The following MTUS2 variants were observed in gnomAD, a reference collection of about 807,000 sequenced individuals.
The protein encoded by MTUS2 is microtubule associated scaffold protein 2, also known as microtubule-associated tumor suppressor candidate 2.
A neutral mutation model predicts 114.1 loss-of-function variants in MTUS2; 40 were observed. The ratio of observed to expected loss-of-function variants is 0.35; its 90% CI spans 0.27 to 0.46. The LOEUF is 0.46. Among genes scored for constraint, MTUS2 ranks in the 20% least tolerant of loss-of-function variants. The pLI is 1.00. For synonymous variants in MTUS2, 688 were observed against 672.0 expected, an observed-to-expected ratio of 1.02 and a Z score of -0.37; for missense variants, 1,679 against 1,705.4, an observed-to-expected ratio of 0.98 and a Z score of 0.27.
At chr13:29,367,100 A>G (rs1363544473) in intron 8 of MTUS2, among the ~76,000 whole-genome samples, 1 of 152,056 alleles carries the variant, frequency 6.6e-6, no homozygotes, top group African/African-American at 2.4e-5. Flanking sequence ...CCTGAGTTCC[A>G]GTTCTGGGAA....
At chr13:28,926,826 A>G (rs1286323840) in intron 2 of MTUS2, among the ~76,000 whole-genome samples, 1 of 152,224 alleles carries the variant, frequency 6.6e-6, no homozygotes, top group African/African-American at 2.4e-5. Context: ...GTAGTATGTA[A>G]TTTCATGCAA....
intron 8 of MTUS2, among the ~76,000 whole-genome samples, chr13:29,401,643 T>C (rs899452709): frequency 1.3e-5 from 2 of 152,206 alleles, no homozygotes; most frequent in African/African-American, 4.8e-5. Flanking sequence ...ACCCTTATTA[T>C]AGCATTAAGT....
chr13:29,040,460 T>G (rs552630224), intron 4 of MTUS2, among the ~76,000 whole-genome samples: 21 of 152,360 alleles, frequency 1.4e-4, no homozygotes, highest in African/African-American at 5.1e-4. Context: ...TGATTTCTTT[T>G]CCTCTGGGTA....
At position 29,025,586 on chromosome 13, in the gene MTUS2, A is replaced by G. The variant is rs326505; in HGVS notation, c.888A>G (p.Lys296=). 10,923 of 1,613,948 alleles carry G rather than the reference A, an allele frequency of 6.8e-3. 607 individuals are homozygous for G. The African/African-American group carries it at 0.12, about 18-fold the overall frequency. Residue 296 remains lysine (K), a synonymous_variant, in exon 3 of 16, where the codon AAA becomes AAG. Coordinates refer to ENST00000612955, the MANE Select transcript of MTUS2 (RefSeq NM_001033602.4). ...TGGCATCGAAGGAAATCCCAAGTAA[A>G]CTGGAAGCACAATTAGGTCAGGGAA... ...LTLASKEIPS[K]LEAQLGQGKG...
intron 8 of MTUS2, among the ~76,000 whole-genome samples, chr13:29,379,310 G>A (rs1005719241): frequency 6.6e-6 from 1 of 152,300 alleles, no homozygotes; most frequent in Middle Eastern, 3.4e-3. Context: ...GGTAGCATGA[G>A]TCTCCTGGAA....
chr13:29,094,485 C>T (rs1003160502), intron 4 of MTUS2, among the ~76,000 whole-genome samples: 1 of 151,916 alleles, frequency 6.6e-6, no homozygotes, highest in African/African-American at 2.4e-5. Flanking sequence ...TGCAGTTGTT[C>T]ATAGTACAAT....
At chr13:29,013,498 T>A (rs901202338) in intron 2 of MTUS2, among the ~76,000 whole-genome samples, 10 of 152,360 alleles carry the variant, frequency 6.6e-5, no homozygotes, top group African/African-American at 2.4e-4. Context: ...AATCCCATGC[T>A]TTATTTTAGG....
chr13:29,364,392 G>T (rs780237149), intron 8 of MTUS2, among the ~76,000 whole-genome samples: 1 of 152,116 alleles, frequency 6.6e-6, no homozygotes, highest in African/African-American at 2.4e-5. Context: ...TAAGCCCTTG[G>T]TAAATTAGTT....
At chr13:28,829,457 G>A (rs1284662091) in intron 1 of MTUS2, among the ~76,000 whole-genome samples, 8 of 152,034 alleles carry the variant, frequency 5.3e-5, no homozygotes, top group African/African-American at 1.7e-4. Context: ...GCTTGAACCC[G>A]GGAGGTGGAG....
At chr13:28,859,996 G>T (rs1042019105) in intron 2 of MTUS2, among the ~76,000 whole-genome samples, 1 of 152,320 alleles carries the variant, frequency 6.6e-6, no homozygotes, top group African/African-American at 2.4e-5. Flanking sequence ...AGTGTTGAAA[G>T]GAGGGATTGA....
chr13:29,389,545 A>G (rs62649130), intron 8 of MTUS2, among the ~76,000 whole-genome samples: 87,993 of 106,872 alleles, frequency 0.82, 38,311 homozygotes, highest in Non-Finnish European at 0.91. Flanking sequence ...ACGTGTGTAT[A>G]TGTATACACG....
In MTUS2 at chr13:29,025,715, T is replaced by G. The variant is rs544512888; in HGVS notation, c.1017T>G (p.Asn339Lys). The G allele has an allele frequency of 6.2e-7, 1 of 1,613,886 alleles. No individual in the cohort carries two copies. The highest frequency in any genetic ancestry group is 1.1e-5 in the South Asian group (1 of 91,084). Reference protein sequence around the residue: ...EGYLGCHKEENLSALEGRDPC... With the variant: ...EGYLGCHKEEKLSALEGRDPC... ...ATCTGGGATGCCACAAGGAAGAGAATCTGTCAGCCTTGGAGGGAAGGGATC... is the reference window on the plus strand; with the variant it reads ...ATCTGGGATGCCACAAGGAAGAGAAGCTGTCAGCCTTGGAGGGAAGGGATC... The change falls in exon 3 of 16, where the codon AAT (asparagine) becomes AAG (lysine). Residue 339 changes from asparagine to lysine, a missense_variant. This residue lies in a region of MTUS2 where 843 missense variants were observed against 770.8 expected (regional missense o/e 1.09). Transcript: ENST00000612955.
Position 29,024,998 on chromosome 13 carries a change from T to G in MTUS2, c.300T>G (p.Leu100=), listed in dbSNP as rs764544626. Residue 100 remains leucine (L), a synonymous_variant, in exon 3 of 16, where the codon CTT becomes CTG. Coordinates refer to ENST00000612955, the MANE Select transcript of MTUS2 (RefSeq NM_001033602.4). ...AGSASLKDFR[L]SSTIQRELNE... ...CTGCCAGCCTGAAAGATTTTAGACT[T>G]TCTTCAACCATTCAGAGGGAACTCA... 25 of 1,613,928 alleles carry G rather than the reference T, an allele frequency of 1.5e-5. No homozygotes were observed. The highest frequency in any genetic ancestry group is 1.9e-5 in the Non-Finnish European group (23 of 1,179,886).
intron 5 of MTUS2, among the ~76,000 whole-genome samples, chr13:29,144,334 C>T (rs1892343655): frequency 6.6e-6 from 1 of 151,840 alleles, no homozygotes; most frequent in Non-Finnish European, 1.5e-5. Context: ...TGGCTGGCTG[C>T]ATGCTCATCT....
intron 5 of MTUS2, among the ~76,000 whole-genome samples, chr13:29,278,266 G>A (rs549755869): frequency 6.6e-6 from 1 of 152,274 alleles, no homozygotes; most frequent in Admixed American, 6.5e-5. Flanking sequence ...TCTAAGACAG[G>A]CAAAGTACAA....
At chr13:29,198,877 T>C (rs1160450155) in intron 5 of MTUS2, among the ~76,000 whole-genome samples, 1 of 152,158 alleles carries the variant, frequency 6.6e-6, no homozygotes, top group Admixed American at 6.5e-5. Context: ...TTGTCTATTA[T>C]TGATGTATAG....
chr13:29,002,391 C>T (rs1338652446), intron 2 of MTUS2, among the ~76,000 whole-genome samples: 1 of 152,112 alleles, frequency 6.6e-6, no homozygotes, highest in African/African-American at 2.4e-5. Flanking sequence ...CTGCTTATAC[C>T]ACAATTGATA....
At chr13:29,131,596 C>T (rs895546498) in intron 5 of MTUS2, among the ~76,000 whole-genome samples, 3 of 152,266 alleles carry the variant, frequency 2.0e-5, no homozygotes, top group Admixed American at 2.0e-4. Context: ...CAGCCTGAGA[C>T]ATCTGTAGGT....
At chr13:29,164,257 G>T (rs772587582) in intron 5 of MTUS2, among the ~76,000 whole-genome samples, 1 of 152,178 alleles carries the variant, frequency 6.6e-6, no homozygotes, top group Non-Finnish European at 1.5e-5. Flanking sequence ...CTCCCTTCTC[G>T]CTCTGCCTTT....
Sources: allele counts gnomAD v4.1 joint callset (sites outside exome capture counted in the v4.1 genomes callset), GRCh38; gene constraint gnomAD v4.1.1; regional missense constraint gnomAD v4.1.1; transcripts MANE v1.5; gene names NCBI Gene and HGNC (gene_info 2026-07-23, HGNC 2026-07-21).